CCDC146: variants seen among roughly 807,000 people sequenced by gnomAD.
The protein encoded by CCDC146 is coiled-coil domain containing 146.
A neutral mutation model predicts 119.3 loss-of-function variants in CCDC146; 92 were observed. That is an observed-to-expected ratio of 0.77 (90% CI 0.65 to 0.92). The LOEUF is 0.92. Among genes scored for constraint, CCDC146 ranks in the 40% least tolerant of loss-of-function variants. The pLI, the probability that CCDC146 is intolerant of heterozygous loss-of-function variation, is 0.00. For missense variants in CCDC146, 1,000 were observed against 1,103.0 expected, an observed-to-expected ratio of 0.91 and a Z score of 1.32; for synonymous variants, 372 against 371.8, an observed-to-expected ratio of 1.00 and a Z score of -0.01.
chr7:77,282,973 C>T (rs1045962960), intron 15 of CCDC146, among the ~76,000 whole-genome samples, 188 bp downstream of exon 15: 1 of 152,222 alleles, frequency 6.6e-6, no homozygotes, highest in Non-Finnish European at 1.5e-5. Flanking sequence ...GGCATCCAGG[C>T]TACACATTGT....
intron 2 of CCDC146, among the ~76,000 whole-genome samples, chr7:77,184,673 T>C (rs753422306): frequency 3.9e-5 from 6 of 152,158 alleles, no homozygotes; most frequent in Non-Finnish European, 8.8e-5. Context: ...CATGTAACCA[T>C]GGGAGTAAAA....
At chr7:77,126,119 G>T (rs780641243) in intron 1 of CCDC146, among the ~76,000 whole-genome samples, 10 of 152,102 alleles carry the variant, frequency 6.6e-5, no homozygotes, top group Non-Finnish European at 1.2e-4. Flanking sequence ...CCTTTAGCAA[G>T]TTAAGGAAGT....
At chr7:77,255,931 A>G (rs1019249152) in intron 5 of CCDC146, among the ~76,000 whole-genome samples, 3 of 152,244 alleles carry the variant, frequency 2.0e-5, no homozygotes, top group African/African-American at 2.4e-5. Flanking sequence ...CATAAGTCAG[A>G]TATTCAAAGA....
chr7:77,281,818 A>G (rs1344378618), intron 14 of CCDC146, among the ~76,000 whole-genome samples: 1 of 152,114 alleles, frequency 6.6e-6, no homozygotes, highest in Admixed American at 6.5e-5. Flanking sequence ...AGAACAGCAC[A>G]TTTTCAAAGG....
intron 17 of CCDC146, among the ~76,000 whole-genome samples, chr7:77,292,625 A>T (rs1000019615): frequency 1.3e-4 from 20 of 151,794 alleles, no homozygotes; most frequent in African/African-American, 4.8e-4. Flanking sequence ...TCAAAAAAAA[A>T]AAAAAAAAAA....
intron 2 of CCDC146, among the ~76,000 whole-genome samples, chr7:77,209,535 T>C (rs1792143316): frequency 6.6e-6 from 1 of 152,210 alleles, no homozygotes; most frequent in Admixed American, 6.5e-5. Context: ...TCTATCATTC[T>C]GGGGCCTGGA....
chr7:77,133,044 G>A (rs573979309), intron 1 of CCDC146, among the ~76,000 whole-genome samples: 11 of 151,868 alleles, frequency 7.2e-5, no homozygotes, highest in South Asian at 4.2e-4. Flanking sequence ...GGTGGTACAC[G>A]CCTGCAATCC....
chr7:77,260,775 C>T (rs760772775), intron 8 of CCDC146, among the ~76,000 whole-genome samples: 1 of 127,372 alleles, frequency 7.9e-6, no homozygotes, highest in Non-Finnish European at 1.6e-5. Context: ...TACATGTGCG[C>T]ACCACCACGC....
At chr7:77,203,465 C>T (rs1394073246) in intron 2 of CCDC146, among the ~76,000 whole-genome samples, 2 of 151,904 alleles carry the variant, frequency 1.3e-5, no homozygotes, top group African/African-American at 2.4e-5. Flanking sequence ...TTTGAAATCA[C>T]GGGAATCAAA....
At chr7:77,235,530 G>A (rs1405367961) in intron 2 of CCDC146, among the ~76,000 whole-genome samples, 1 of 152,202 alleles carries the variant, frequency 6.6e-6, no homozygotes, top group African/African-American at 2.4e-5. Flanking sequence ...TAAAGAGTGT[G>A]TTGTGAAAGG....
chr7:77,126,584 A>C (rs1456792124), intron 1 of CCDC146, among the ~76,000 whole-genome samples: 1 of 151,846 alleles, frequency 6.6e-6, no homozygotes, highest in Admixed American at 6.5e-5. Flanking sequence ...GGTTGTCCCA[A>C]TGTCTGCAGC....
In CCDC146 at chr7:77,274,481, G is replaced by A; in HGVS notation, c.1270-1G>A. The A allele has an allele frequency of 1.3e-6, 2 of 1,527,162 alleles. No individual in the cohort carries two copies. Among genetic ancestry groups the A allele is most frequent in the Non-Finnish European group, 8.8e-7 (1 of 1,137,230 alleles). The allele number at this position is 1,527,162 out of a possible 1,614,324, so 94.6% of individuals were successfully genotyped here. A position where few individuals can be genotyped will look rare whatever the true frequency, so the allele number is the denominator to read the frequency against. ...ATATTATCTGTGTTTTTTTTCAAAA[G>A]AAAATTATATCAGAAATGGAGTCTA... On this transcript the variant is annotated splice_acceptor_variant, in intron 10 of 18. Coordinates refer to ENST00000285871, the MANE Select transcript of CCDC146 (RefSeq NM_020879.3). LOFTEE classifies it high-confidence loss of function.
intron 2 of CCDC146, among the ~76,000 whole-genome samples, chr7:77,187,509 C>T (rs1791687519): frequency 6.6e-6 from 1 of 152,164 alleles, no homozygotes; most frequent in Non-Finnish European, 1.5e-5. Flanking sequence ...GAGAGTGTGA[C>T]CAAAACTTAG....
In CCDC146 at chr7:77,241,401, T is replaced by C. The variant is rs1269598880; in HGVS notation, c.240-290T>C. Among the ~76,000 whole-genome samples the C allele has an allele frequency of 9.4e-5, 9 of 95,334 alleles. 2 individuals are homozygous for C. Among genetic ancestry groups the C allele is most frequent in the African/African-American group, 2.5e-4 (9 of 36,582 alleles). The allele number at this position is 95,334 out of a possible 152,430, so 62.5% of individuals were successfully genotyped here. ...TGCCAGTCAGGTATTCTATAGAGCA[T>C]TTCTCAGTTTGGAATTTTTCTCATA... On this transcript the variant is annotated intron_variant, in intron 3 of 18. Transcript: ENST00000285871.
At chr7:77,187,504 T>G (rs1038722677) in intron 2 of CCDC146, among the ~76,000 whole-genome samples, 1 of 152,156 alleles carries the variant, frequency 6.6e-6, no homozygotes, top group Non-Finnish European at 1.5e-5. Flanking sequence ...TAGGTGAGAG[T>G]GTGACCAAAA....
intron 2 of CCDC146, among the ~76,000 whole-genome samples, chr7:77,189,182 C>G (rs1791719241): frequency 6.6e-6 from 1 of 152,100 alleles, no homozygotes; most frequent in African/African-American, 2.4e-5. Flanking sequence ...CCACCCCACT[C>G]CATTCCACTC....
intron 9 of CCDC146, among the ~76,000 whole-genome samples, chr7:77,268,481 T>A (rs1793449990): frequency 6.6e-6 from 1 of 152,234 alleles, no homozygotes; most frequent in South Asian, 2.1e-4. Flanking sequence ...CATTTCTGTA[T>A]GTGCTTACTG....
chr7:77,223,662 T>C (rs1792448420), intron 2 of CCDC146, among the ~76,000 whole-genome samples: 1 of 152,240 alleles, frequency 6.6e-6, no homozygotes, highest in African/African-American at 2.4e-5. Context: ...TAAATTGCAG[T>C]GGAAGTGAGT....
chr7:77,269,913 C>T (rs56269513), intron 9 of CCDC146, among the ~76,000 whole-genome samples: 5,873 of 152,234 alleles, frequency 0.039, 399 homozygotes, highest in African/African-American at 0.13. Flanking sequence ...CAGGCACTCC[C>T]AGCCCAAGTG....
Sources: gnomAD v4.1 joint callset for allele counts (sites outside exome capture counted in the v4.1 genomes callset) on GRCh38, gnomAD v4.1.1 for gene constraint, MANE v1.5 for transcripts, NCBI Gene and HGNC (gene_info 2026-07-23, HGNC 2026-07-21) for gene names.